ANKRD36: variants seen among roughly 807,000 people sequenced by gnomAD.
ANKRD36 encodes ankyrin repeat domain-containing protein 36A.
Under a neutral mutation model 278.1 loss-of-function variants are expected in ANKRD36, and 179 were observed. The observed-to-expected ratio is 0.64, with a 90% CI of 0.57 to 0.73. The LOEUF (loss-of-function observed/expected upper bound fraction) is 0.73, where lower values mean the gene tolerates loss of function less well. Ranked by LOEUF, ANKRD36 falls within the 30% of genes least tolerant of loss-of-function variation. The pLI is 0.00. For synonymous variants in ANKRD36, 320 were observed against 641.1 expected, an observed-to-expected ratio of 0.50 and a Z score of 7.57; for missense variants, 1,159 against 1,956.7, an observed-to-expected ratio of 0.59 and a Z score of 7.69.
At chr2:97,210,457 G>T (rs1293713830) in intron 56 of ANKRD36, among the ~76,000 whole-genome samples, 53 of 151,856 alleles carry the variant, frequency 3.5e-4, no homozygotes, top group Non-Finnish European at 5.9e-4. Context: ...GATTTTGGCT[G>T]CTCGAGGAAC....
rs12993185 is a variant in ANKRD36, at chr2:97,152,434, C to T, written c.1163-70C>T. ...GATTATAGGAACAAGCCACTGTGCT[C>T]TTTTATGTTTTTAGTATTCTATAGT... On this transcript the variant is annotated intron_variant, in intron 13 of 75. Coordinates refer to ENST00000420699, the MANE Select transcript of ANKRD36 (RefSeq NM_001354587.1). 2.8e-5 allele frequency: 37 copies of T among 1,329,244 alleles called. 2 individuals carry two copies. In the South Asian group the frequency reaches 3.9e-4, roughly 14 times the overall value. The allele number at this position is 1,329,244 out of a possible 1,614,324, so 82.3% of individuals were successfully genotyped here.
At chr2:97,231,737 G>A (rs2072194165) in intron 67 of ANKRD36, among the ~76,000 whole-genome samples, 2 of 152,114 alleles carry the variant, frequency 1.3e-5, no homozygotes, top group Admixed American at 1.3e-4. Flanking sequence ...CGCTCACGCT[G>A]GGAGCTGTAG....
chr2:97,113,353 C>G lies in ANKRD36; in HGVS notation c.-387C>G, dbSNP rs2034091161. The G allele has an allele frequency of 1.8e-5, 5 of 279,688 alleles. No individual in the cohort carries two copies. Among genetic ancestry groups the G allele is most frequent in the Non-Finnish European group, 3.4e-5 (5 of 147,030 alleles). 17.3% of individuals were successfully genotyped at this position (279,688 alleles called of 1,614,324 possible). A position where few individuals can be genotyped will look rare whatever the true frequency, so the allele number is the denominator to read the frequency against. ...CATCCCTGGGCTGCAGAGGGCCCAG[C>G]GCGGGGGACTCCGAGCGTCGGGAGC... On this transcript the variant is annotated 5_prime_UTR_variant, in exon 1 of 76. Transcript: ENST00000420699.
intron 67 of ANKRD36, among the ~76,000 whole-genome samples, chr2:97,230,445 C>T (rs1396176834): frequency 1.3e-5 from 2 of 152,110 alleles, no homozygotes; most frequent in Non-Finnish European, 2.9e-5. Context: ...CCTGAGGCTT[C>T]TGCACTCTTC....
At position 97,154,940 on chromosome 2, in the gene ANKRD36, G is replaced by A. The variant is rs2153475384; in HGVS notation, c.1260+199G>A. ...TTTTTTACTTTGCAAATAAGAAATA[G>A]TTGATAAATACTTTGAGAGGTGTGA... On this transcript the variant is annotated intron_variant, in intron 15 of 75. Coordinates refer to ENST00000420699, the MANE Select transcript of ANKRD36 (RefSeq NM_001354587.1). 1.4e-5 allele frequency among the ~76,000 whole-genome samples: 2 copies of A among 145,052 alleles called. 1 individual carries two copies. Among genetic ancestry groups the A allele is most frequent in the Non-Finnish European group, 3.1e-5 (2 of 64,168 alleles).
intron 56 of ANKRD36, among the ~76,000 whole-genome samples, chr2:97,210,457 G>A (rs1293713830): frequency 1.3e-5 from 2 of 151,858 alleles, no homozygotes; most frequent in African/African-American, 4.8e-5. Context: ...GATTTTGGCT[G>A]CTCGAGGAAC....
rs1426423342 is a variant in ANKRD36 at position 97,150,960 on chromosome 2, TG to T, written c.1102-918del. Among the ~76,000 whole-genome samples the T allele has an allele frequency of 2.5e-4, 38 of 152,218 alleles. No individual in the cohort carries two copies. The South Asian group carries it at 5.2e-3, about 21-fold the overall frequency. ...ATCATCATGGTTAACTCTTGGGATG[TG>T]TTATTTTATAGTAAACAAATGAAAC... On this transcript the variant is annotated intron_variant, in intron 12 of 75. Transcript: ENST00000420699.
intron 22 of ANKRD36, among the ~76,000 whole-genome samples, chr2:97,176,679 T>A (rs1469043787): frequency 6.6e-6 from 1 of 151,114 alleles, no homozygotes; most frequent in Non-Finnish European, 1.5e-5. Flanking sequence ...CGATGTTAGC[T>A]GGTTATTTTG....
At chr2:97,262,889 A>ATTC (rs1205038344) in intron 75 of ANKRD36, among the ~76,000 whole-genome samples, 1 of 144,508 alleles carries the variant, frequency 6.9e-6, no homozygotes. Flanking sequence ...TGCCACTGCC[A>ATTC]TTCTTCTTCT....
chr2:97,145,808 A>G (rs1298326781), intron 10 of ANKRD36, among the ~76,000 whole-genome samples: 1 of 151,958 alleles, frequency 6.6e-6, no homozygotes, highest in Admixed American at 6.6e-5. Flanking sequence ...ATTATACCAC[A>G]TGGGTATGAA....
At position 97,222,867 on chromosome 2, in the gene ANKRD36, T is replaced by A. The variant is rs570767066; in HGVS notation, c.3878-1939T>A. 2.0e-5 allele frequency among the ~76,000 whole-genome samples: 3 copies of A among 152,190 alleles called. No homozygotes were observed. In the South Asian group the frequency reaches 6.3e-4, roughly 32 times the overall value. On this transcript the variant is annotated intron_variant, in intron 66 of 75. Transcript: ENST00000420699. ...TGACTGATTTTACTAAGAAACCTAT[T>A]TTTTTAATAAGATCACAGTTCCATG...
intron 50 of ANKRD36, 91 bp downstream of exon 50, chr2:97,204,354 C>G (rs575214693): frequency 7.2e-7 from 1 of 1,383,266 alleles, no homozygotes; most frequent in South Asian, 1.4e-5. Context: ...CTCGTTGAAG[C>G]TGCACATTCT....
chr2:97,149,764 T>G (rs1227884867), intron 12 of ANKRD36, among the ~76,000 whole-genome samples: 1 of 151,776 alleles, frequency 6.6e-6, no homozygotes, highest in Non-Finnish European at 1.5e-5. Flanking sequence ...ATCAGATGAC[T>G]TATCAAAGAA....
At chr2:97,189,884 G>A (rs2058136350) in intron 34 of ANKRD36, among the ~76,000 whole-genome samples, 1 of 84,514 alleles carries the variant, frequency 1.2e-5, no homozygotes, top group African/African-American at 2.7e-5. Context: ...ATTTGATTTT[G>A]GCAGCTCCAG....
intron 66 of ANKRD36, among the ~76,000 whole-genome samples, chr2:97,220,776 T>TTTTTTTTTTTTTTTTTTTTTTTTTTTAA (rs2067363847): frequency 1.3e-5 from 1 of 77,102 alleles, no homozygotes; most frequent in African/African-American, 1.6e-4. Flanking sequence ...TTTTTTTTAA[T>TTTTTTTTTTTTTTTTTTTTTTTTTTTAA]TTTTTTTTTT....
At chr2:97,194,533 A>G (rs935931798) in intron 38 of ANKRD36, among the ~76,000 whole-genome samples, 193 bp from the exon 39 acceptor site, 14 of 151,700 alleles carry the variant, frequency 9.2e-5, no homozygotes, top group Non-Finnish European at 1.8e-4. Flanking sequence ...GTAAGGGTAT[A>G]TTTCACGGAG....
chr2:97,140,443 TTCTA>T (rs2042609276), intron 6 of ANKRD36, among the ~76,000 whole-genome samples: 1 of 152,028 alleles, frequency 6.6e-6, no homozygotes. Context: ...TCCTGGAAGA[TTCTA>T]ATTTACTACT....
In ANKRD36 at chr2:97,169,973, T is replaced by G. The variant is rs2051937116; in HGVS notation, c.1633+2206T>G. On this transcript the variant is annotated intron_variant, in intron 22 of 75. Transcript: ENST00000420699. ...AAAGGGCCCATATAGCCAAGACAAT[T>G]GTAAGTAAAAAGAACAGAGCTGGAG... Among the ~76,000 whole-genome samples the G allele has an allele frequency of 2.0e-5, 3 of 152,016 alleles. 1 individual carries two copies. Among genetic ancestry groups the G allele is most frequent in the Admixed American group, 2.0e-4 (3 of 15,228 alleles).
chr2:97,143,233 A>C (rs2043366389), intron 8 of ANKRD36, among the ~76,000 whole-genome samples: 1 of 151,968 alleles, frequency 6.6e-6, no homozygotes, highest in Non-Finnish European at 1.5e-5. Flanking sequence ...AACCATAAAC[A>C]ATGTAGAAAG....
Sources: allele counts gnomAD v4.1 joint callset (sites outside exome capture counted in the v4.1 genomes callset), GRCh38; gene constraint gnomAD v4.1.1; transcripts MANE v1.5; gene names NCBI Gene and HGNC (gene_info 2026-07-23, HGNC 2026-07-21).